Variants in DNAI7 observed in about 807,000 individuals in gnomAD.
DNAI7 encodes the protein cancer susceptibility 1.
A neutral mutation model predicts 86.6 loss-of-function variants in DNAI7; 78 were observed. The ratio of observed to expected loss-of-function variants is 0.90; its 90% confidence interval spans 0.75 to 1.09. The LOEUF is 1.09. Among genes scored for constraint, DNAI7 ranks in the 50% least tolerant of loss-of-function variants. DNAI7 has a pLI of 0.00. For missense variants in DNAI7, 753 were observed against 810.2 expected, an observed-to-expected ratio of 0.93 and a Z score of 0.86; for synonymous variants, 274 against 273.0, an observed-to-expected ratio of 1.00 and a Z score of -0.04.
chr12:25,119,315 C>T lies in DNAI7; in HGVS notation c.1240-14G>A. On this transcript the variant is annotated splice_polypyrimidine_tract_variant and intron_variant, in intron 11 of 15. Transcript: ENST00000395987. Reference sequence around the variant, plus strand: ...TTCTTTGAGTATCTTTTTAAAATGACCAAAACAACATCAAGTTAGTTGACT... The same window carrying T: ...TTCTTTGAGTATCTTTTTAAAATGATCAAAACAACATCAAGTTAGTTGACT... 1 of 1,575,898 alleles carries T rather than the reference C, an allele frequency of 6.3e-7. No homozygotes were observed. The highest frequency in any genetic ancestry group is 1.7e-4 in the Middle Eastern group (1 of 5,930).
At chr12:25,145,850 C>T (rs1729435914) in intron 8 of DNAI7, among the ~76,000 whole-genome samples, 1 of 152,216 alleles carries the variant, frequency 6.6e-6, no homozygotes, top group African/African-American at 2.4e-5. Flanking sequence ...TCGTCACTGT[C>T]ATTCCTCAGA....
At chr12:25,166,133 A>G (rs1484243808) in intron 2 of DNAI7, among the ~76,000 whole-genome samples, 5 of 152,134 alleles carry the variant, frequency 3.3e-5, no homozygotes, top group Non-Finnish European at 7.4e-5. Context: ...CTCAATGCCA[A>G]TATCCCATCC....
In DNAI7 at chr12:25,124,929, ACG is replaced by A. The variant is rs1482190070; in HGVS notation, c.1003-1645_1003-1644del. On this transcript the variant is annotated intron_variant, in intron 9 of 15. Transcript: ENST00000395987. ...AGGATAATAGCCTTCAGCTCCACCC[ACG>A]TTCCTGCAAAAGACACGATCTCATT... Among the ~76,000 whole-genome samples, 36 of 59,046 alleles carry A rather than the reference ACG, an allele frequency of 6.1e-4. No homozygotes were observed. In the South Asian group the frequency reaches 0.024, roughly 39 times the overall value. 38.7% of individuals were successfully genotyped at this position (59,046 alleles called of 152,430 possible).
rs909294960 is a variant in DNAI7 at position 25,149,621 on chromosome 12, C to T, written c.585+7G>A. ...AACTTAATATATAAGCAAAATATCA[C>T]ACTTACTTTGAGAAGTATTTCTGTG... On this transcript the variant is annotated splice_region_variant and intron_variant, in intron 7 of 15. Transcript: ENST00000395987. The T allele has an allele frequency of 2.5e-6, 4 of 1,592,208 alleles. No homozygotes were observed. Among genetic ancestry groups the T allele is most frequent in the African/African-American group, 2.7e-5 (2 of 73,916 alleles).
chr12:25,111,014 AG>A (rs953931601), intron 14 of DNAI7, among the ~76,000 whole-genome samples: 10 of 152,062 alleles, frequency 6.6e-5, no homozygotes, highest in Admixed American at 2.6e-4. Flanking sequence ...ACTAAAACCA[AG>A]GGTTTTTTTC....
At chr12:25,174,252 C>T (rs1948507538) in intron 2 of DNAI7, among the ~76,000 whole-genome samples, 1 of 123,438 alleles carries the variant, frequency 8.1e-6, no homozygotes. Context: ...ACGCTGCTGA[C>T]TGTTTCTTTT....
At position 25,144,521 on chromosome 12, in the gene DNAI7, T is replaced by C. The variant is rs771069001; in HGVS notation, c.846A>G (p.Ala282=). 1.9e-6 allele frequency: 3 copies of C among 1,614,184 alleles called. No homozygotes were observed. The highest frequency in any genetic ancestry group is 4.5e-5 in the East Asian group (2 of 44,876). ...CATCATCTTTGACAAGCTCAGTTAC[T>C]GCAGAAGTGTATTCTTTTGATGGTG... ...VSTPSKEYTS[A]VTELVKDDVK... is the part of the protein sequence containing the mutation. Residue 282 remains alanine (A), a synonymous_variant, in exon 9 of 16, where the codon GCA becomes GCG. Coordinates refer to ENST00000395987, the MANE Select transcript of DNAI7 (RefSeq NM_018272.5).
intron 2 of DNAI7, among the ~76,000 whole-genome samples, chr12:25,184,940 G>C (rs1445006494): frequency 1.4e-5 from 2 of 144,228 alleles, no homozygotes; most frequent in Non-Finnish European, 3.0e-5. Flanking sequence ...GACCACCCTG[G>C]ACAACACAGT....
intron 2 of DNAI7, among the ~76,000 whole-genome samples, chr12:25,171,951 A>G (rs1948192961): frequency 6.6e-6 from 1 of 152,174 alleles, no homozygotes; most frequent in Non-Finnish European, 1.5e-5. Context: ...ATCAGCATAA[A>G]AGGGACATAT....
chr12:25,184,152 T>C (rs1449284638), intron 2 of DNAI7, among the ~76,000 whole-genome samples: 1 of 152,240 alleles, frequency 6.6e-6, no homozygotes. Context: ...AATTCACCCA[T>C]ATAAAGTGCA....
At chr12:25,191,575 G>GT (rs899038946) in intron 1 of DNAI7, among the ~76,000 whole-genome samples, 38 of 151,644 alleles carry the variant, frequency 2.5e-4, no homozygotes, top group Admixed American at 1.1e-3. Flanking sequence ...ATGGTGGCAT[G>GT]TGTCTGTAGT....
chr12:25,137,446 C>T (rs956613868), intron 9 of DNAI7, among the ~76,000 whole-genome samples: 5 of 152,058 alleles, frequency 3.3e-5, no homozygotes, highest in Admixed American at 6.6e-5. Flanking sequence ...ATAAATCTCA[C>T]AGGGCCTATA....
At chr12:25,183,180 T>C (rs1169392163) in intron 2 of DNAI7, among the ~76,000 whole-genome samples, 4 of 150,196 alleles carry the variant, frequency 2.7e-5, no homozygotes, top group Non-Finnish European at 5.9e-5. Context: ...ATAAGTACAA[T>C]GGGTACACAT....
intron 9 of DNAI7, among the ~76,000 whole-genome samples, chr12:25,132,512 T>C (rs959684567): frequency 1.4e-5 from 2 of 140,732 alleles, no homozygotes; most frequent in African/African-American, 3.2e-5. Flanking sequence ...TTTACAATTA[T>C]TTTAATTTGT....
At chr12:25,164,074 CGGCAAGTACCGCTTTTCTGGAG>C (rs1465903736) in intron 2 of DNAI7, among the ~76,000 whole-genome samples, 1 of 152,174 alleles carries the variant, frequency 6.6e-6, no homozygotes, top group African/African-American at 2.4e-5. Flanking sequence ...TCACCCTTAG[CGGCAAGTACCGCTTTTCTGGAG>C]GGCAAGAAAC....
intron 2 of DNAI7, among the ~76,000 whole-genome samples, chr12:25,185,198 G>C (rs1200251839): frequency 6.6e-6 from 1 of 151,976 alleles, no homozygotes; most frequent in Non-Finnish European, 1.5e-5. Flanking sequence ...TACTTCTTTG[G>C]TTTATGTCTT....
chr12:25,162,561 G>C lies in DNAI7; in HGVS notation c.22-1364C>G, dbSNP rs576362407. ...TCATAGAAAGAGTGGTTAATTCTTG[G>C]GATGTATAGACTCTTGGATCTTCTC... On this transcript the variant is annotated intron_variant, in intron 2 of 15. Transcript: ENST00000395987. 2.2e-3 allele frequency among the ~76,000 whole-genome samples: 330 copies of C among 152,244 alleles called. 2 individuals carry two copies. The highest frequency in any genetic ancestry group is 0.017 in the Middle Eastern group (5 of 294).
At chr12:25,107,923 A>T, downstream of DNAI7, 2 of 1,614,174 alleles carry the variant, frequency 1.2e-6, no homozygotes, top group Non-Finnish European at 1.7e-6. Flanking sequence ...TGCAGCTTTG[A>T]TGAGCTTCCT....
intron 3 of DNAI7, among the ~76,000 whole-genome samples, chr12:25,160,537 T>A (rs150457034): frequency 6.6e-6 from 1 of 152,090 alleles, no homozygotes. Context: ...ACCCCGTCAT[T>A]CTCTTTAAAT....
Sources: gnomAD v4.1 joint callset for allele counts (sites outside exome capture counted in the v4.1 genomes callset) on GRCh38, gnomAD v4.1.1 for gene constraint, MANE v1.5 for transcripts, NCBI Gene and HGNC (gene_info 2026-07-23, HGNC 2026-07-21) for gene names.